The following BRAF variants were observed in gnomAD, a reference collection of about 807,000 sequenced individuals.
The protein encoded by BRAF is B-Raf proto-oncogene, serine/threonine kinase, also known as serine/threonine-protein kinase B-raf.
Under a neutral mutation model 104.6 loss-of-function variants are expected in BRAF, and 16 were observed. The observed-to-expected ratio is 0.15, with a 90% confidence interval of 0.10 to 0.23. The LOEUF (loss-of-function observed/expected upper bound fraction) is 0.23. BRAF is among the 10% of genes least tolerant of loss of function. BRAF has a pLI of 1.00. For missense variants in BRAF, 541 were observed against 937.3 expected (o/e 0.58, Z 5.52); for synonymous variants, 310 against 341.6 (o/e 0.91, Z 1.02).
At chr7:140,830,725 C>A (rs1228796491) in intron 3 of BRAF, among the ~76,000 whole-genome samples, 2 of 152,178 alleles carry the variant, frequency 1.3e-5, no homozygotes, top group Non-Finnish European at 2.9e-5. Context: ...ATAAAAATCA[C>A]TGAAATGCAA....
At position 140,924,082 on chromosome 7, in the gene BRAF, T is replaced by A. The variant is rs568887381; in HGVS notation, c.138+484A>T. Reference sequence around the variant, plus strand: ...GGCAGCGGACTGAGAAGGGGGGCAGTCCGGGAGAGGAGAGAGGAAATGATG... The same window carrying A: ...GGCAGCGGACTGAGAAGGGGGGCAGACCGGGAGAGGAGAGAGGAAATGATG... On this transcript the variant is annotated intron_variant, in intron 1 of 19. Transcript: ENST00000644969. This position sits in a 1 kb window ranked among gnomAD's most constrained non-coding sequence, Gnocchi z 4.2. Among the ~76,000 whole-genome samples the A allele has an allele frequency of 6.6e-6, 1 of 152,086 alleles. No individual in the cohort carries two copies. Among genetic ancestry groups the A allele is most frequent in the Non-Finnish European group, 1.5e-5 (1 of 67,950 alleles).
chr7:140,752,727 T>C (rs1797888056), intron 16 of BRAF, among the ~76,000 whole-genome samples: 1 of 152,222 alleles, frequency 6.6e-6, no homozygotes, highest in South Asian at 2.1e-4. Flanking sequence ...AGATACTTTC[T>C]AGTCTAAAGG....
At chr7:140,832,347 C>A (rs999265678) in intron 3 of BRAF, among the ~76,000 whole-genome samples, 2 of 152,156 alleles carry the variant, frequency 1.3e-5, no homozygotes, top group African/African-American at 4.8e-5. Context: ...CTACCACAAA[C>A]AATTTTACTT....
chr7:140,806,071 C>T (rs1381723263), intron 5 of BRAF, among the ~76,000 whole-genome samples: 2 of 152,198 alleles, frequency 1.3e-5, no homozygotes, highest in East Asian at 3.8e-4. Context: ...ATTCTACCCA[C>T]AATACTGTTA....
intron 1 of BRAF, among the ~76,000 whole-genome samples, chr7:140,867,607 G>A (rs902925894): frequency 6.6e-6 from 1 of 152,124 alleles, no homozygotes; most frequent in Non-Finnish European, 1.5e-5. Flanking sequence ...ATCGGGGTGG[G>A]TGGCTATTCA....
intron 10 of BRAF, among the ~76,000 whole-genome samples, chr7:140,784,924 G>A (rs931576680): frequency 6.6e-6 from 1 of 152,162 alleles, no homozygotes; most frequent in Non-Finnish European, 1.5e-5. Context: ...TGGGATTACA[G>A]GCGTGAGCCA....
At chr7:140,919,830 GTTT>G (rs71522121) in intron 1 of BRAF, among the ~76,000 whole-genome samples, 3 of 148,290 alleles carry the variant, frequency 2.0e-5, no homozygotes, top group South Asian at 2.1e-4. Context: ...AAGTTTTTTT[GTTT>G]TTTTTTTGTT....
In BRAF at chr7:140,783,014, C is replaced by T. The variant is rs2129026219; in HGVS notation, c.1434+7G>A. On this transcript the variant is annotated splice_region_variant and intron_variant, in intron 11 of 19. Coordinates refer to ENST00000644969, the MANE Select transcript of BRAF (RefSeq NM_001374258.1). ...TTCAGAGAAAAAAAGATATCATATA[C>T]TCTTACCATTCGATTCCTGTCTTCT... The T allele has an allele frequency of 6.2e-7, 1 of 1,613,134 alleles. No individual in the cohort carries two copies. The highest frequency in any genetic ancestry group is 1.8e-4 in the Middle Eastern group (1 of 5,570).
intron 2 of BRAF, among the ~76,000 whole-genome samples, chr7:140,848,602 T>C (rs984012427): frequency 1.3e-5 from 2 of 152,198 alleles, no homozygotes; most frequent in Non-Finnish European, 2.9e-5. Flanking sequence ...GTTCAAAGTC[T>C]CCAAGACATA....
chr7:140,900,059 C>T (rs1317999296), intron 1 of BRAF, among the ~76,000 whole-genome samples: 1 of 152,200 alleles, frequency 6.6e-6, no homozygotes, highest in Non-Finnish European at 1.5e-5. Flanking sequence ...GCCTCAAGGC[C>T]CTAAGCCAGA....
intron 1 of BRAF, among the ~76,000 whole-genome samples, chr7:140,921,276 G>A (rs1586662678): frequency 1.3e-5 from 2 of 151,964 alleles, no homozygotes; most frequent in Admixed American, 1.3e-4. Context: ...AAAAAATCAG[G>A]TAAATATAAA....
chr7:140,833,121 TG>T (rs1366105877), intron 3 of BRAF, among the ~76,000 whole-genome samples: 1 of 152,074 alleles, frequency 6.6e-6, no homozygotes, highest in African/African-American at 2.4e-5. Flanking sequence ...CCTGACCTCG[TG>T]ATCTGCCCGC....
rs557093272 is a variant in BRAF, at chr7:140,739,425, CAT to C, written c.2247+385_2247+386del. 5.1e-3 allele frequency among the ~76,000 whole-genome samples: 766 copies of C among 149,380 alleles called. 4 individuals are homozygous for C. The highest frequency in any genetic ancestry group is 7.7e-3 in the Non-Finnish European group (518 of 67,604). ...CTGTTTTTTTCTAAATATTATTTAACATATTGGTTTACTATGTTTAATTCATT... is the reference window on the plus strand; with the variant it reads ...CTGTTTTTTTCTAAATATTATTTAACATTGGTTTACTATGTTTAATTCATT... On this transcript the variant is annotated intron_variant, in intron 18 of 19. Transcript: ENST00000644969.
chr7:140,734,774 C>CAAAAAAAAAAGAAAAAAAAAAAAAAA lies in BRAF; in HGVS notation c.2248-5_2248-4insTTTTTTTTTTTTTTTCTTTTTTTTTT. The CAAAAAAAAAAGAAAAAAAAAAAAAAA allele has an allele frequency of 3.9e-6, 3 of 772,602 alleles. No individual in the cohort carries two copies. Among genetic ancestry groups the CAAAAAAAAAAGAAAAAAAAAAAAAAA allele is most frequent in the Admixed American group, 5.8e-5 (1 of 17,100 alleles). The allele number at this position is 772,602 out of a possible 1,614,324, so 47.9% of individuals were successfully genotyped here. A position where few individuals can be genotyped will look rare whatever the true frequency, so the allele number is the denominator to read the frequency against. On this transcript the variant is annotated splice_region_variant and splice_polypyrimidine_tract_variant and intron_variant, in intron 18 of 19. Transcript: ENST00000644969. ...GCAGCTCAATAGAGGCGAGAATCTA[C>CAAAAAAAAAAGAAAAAAAAAAAAAAA]AAAAAAAAAAAGAAAAAAAAAAGAA...
chr7:140,817,441 A>G (rs752912237), intron 3 of BRAF, among the ~76,000 whole-genome samples: 1 of 152,186 alleles, frequency 6.6e-6, no homozygotes, highest in Non-Finnish European at 1.5e-5. Flanking sequence ...CTTCACAGAA[A>G]TAGAAAAATA....
intron 1 of BRAF, among the ~76,000 whole-genome samples, chr7:140,871,384 T>C (rs1253536738): frequency 6.6e-6 from 1 of 152,136 alleles, no homozygotes; most frequent in African/African-American, 2.4e-5. Context: ...TAGTAAATTC[T>C]GGCCACCACA....
chr7:140,856,016 T>TAAACAAAC (rs528591518), intron 1 of BRAF, among the ~76,000 whole-genome samples: 1 of 151,440 alleles, frequency 6.6e-6, no homozygotes, highest in African/African-American at 2.4e-5. Context: ...AGACTATCTC[T>TAAACAAAC]AAACAAACAA....
chr7:140,923,327 AATT>A (rs1228829984), intron 1 of BRAF, among the ~76,000 whole-genome samples: 1 of 152,202 alleles, frequency 6.6e-6, no homozygotes, highest in Non-Finnish European at 1.5e-5. Flanking sequence ...TGTAAACCAC[AATT>A]ATTATACCAT....
chr7:140,726,369 A>G lies in BRAF; in HGVS notation c.*125T>C. 3 of 1,486,926 alleles carry G rather than the reference A, an allele frequency of 2.0e-6. No individual in the cohort carries two copies. The highest frequency in any genetic ancestry group is 2.7e-6 in the Non-Finnish European group (3 of 1,126,018). The allele number at this position is 1,486,926 out of a possible 1,614,324, so 92.1% of individuals were successfully genotyped here. A position where few individuals can be genotyped will look rare whatever the true frequency, so the allele number is the denominator to read the frequency against. On this transcript the variant is annotated 3_prime_UTR_variant, in exon 20 of 20. Coordinates refer to ENST00000644969, the MANE Select transcript of BRAF (RefSeq NM_001374258.1). ...GGGAAATTCCATTCTGTTCCACATC[A>G]GCTTATGCATTGGAAATTTTGTATC... is the stretch of plus-strand genomic sequence containing the variant.
Sources: gnomAD v4.1 joint callset for allele counts (sites outside exome capture counted in the v4.1 genomes callset) on GRCh38, gnomAD v4.1.1 for gene constraint, Gnocchi (gnomAD v3.1) non-coding constraint, MANE v1.5 for transcripts, NCBI Gene and HGNC (gene_info 2026-07-23, HGNC 2026-07-21) for gene names.